Variants in ACADVL observed in about 807,000 individuals in gnomAD.
The protein encoded by ACADVL is very long-chain acyl-CoA dehydrogenase, mitochondrial.
In ACADVL, 73 loss-of-function variants were observed where a neutral mutation model predicts 80.4. The observed-to-expected ratio is 0.91, with a 90% CI of 0.75 to 1.10. The LOEUF (loss-of-function observed/expected upper bound fraction) is 1.10. ACADVL is among the 50% of genes least tolerant of loss of function. The pLI is 0.00. For missense variants in ACADVL, 878 were observed against 858.9 expected, an observed-to-expected ratio of 1.02 and a Z score of -0.28; for synonymous variants, 392 against 326.5, an observed-to-expected ratio of 1.20 and a Z score of -2.16.
chr17:7,218,224 C>G (rs759500299), upstream of ACADVL: 2 of 1,603,982 alleles, frequency 1.2e-6, no homozygotes, highest in East Asian at 2.2e-5. Flanking sequence ...GTTAGGCGCT[C>G]GCCCCCACCT....
At chr17:7,219,649 G>A (rs2071087909), upstream of ACADVL, 3 of 1,269,398 alleles carry the variant, frequency 2.4e-6, no homozygotes, top group African/African-American at 1.5e-5. Context: ...CCTCCCTTCA[G>A]TCCACCTCCA....
At position 7,221,665 on chromosome 17, in the gene ACADVL, T is replaced by C. The variant is rs398123090; in HGVS notation, c.605T>C (p.Leu202Pro). ...ACAAAGGCCCAGAAAGAAAAATACC[T>C]CCCCAAGCTGGCATCTGGTGAGGCA... ...FGTKAQKEKY[L>P]PKLASGETVA... Residue 202 changes from leucine (L) to proline (P), a missense_variant, in exon 7 of 20, where the codon CTC becomes CCC. Coordinates refer to ENST00000356839, the MANE Select transcript of ACADVL (RefSeq NM_000018.4). The C allele has an allele frequency of 1.9e-6, 3 of 1,613,646 alleles. No individual in the cohort carries two copies. The highest frequency in any genetic ancestry group is 1.7e-6 in the Non-Finnish European group (2 of 1,180,024).
chr17:7,218,565 T>C (rs565495109), upstream of ACADVL: 396 of 1,564,080 alleles, frequency 2.5e-4, no homozygotes, highest in South Asian at 4.1e-3. Context: ...AAGAGGTCGC[T>C]ATGCAGCACT....
chr17:7,218,926 T>A (rs1597512035), upstream of ACADVL: 4 of 1,542,276 alleles, frequency 2.6e-6, no homozygotes, highest in East Asian at 6.7e-5. Flanking sequence ...AAATTCCAGC[T>A]GTGAGTAAAG....
At chr17:7,221,384 CTTCTT>C in intron 6 of ACADVL, 149 bp from the exon 7 acceptor site, 2 of 1,366,048 alleles carry the variant, frequency 1.5e-6, no homozygotes, top group Non-Finnish European at 2.1e-6. Flanking sequence ...GCACACCCCA[CTTCTT>C]TTCTACACAC....
At chr17:7,217,274 G>A, upstream of ACADVL, 1 of 1,219,952 alleles carries the variant, frequency 8.2e-7, no homozygotes, top group Non-Finnish European at 1.0e-6. Context: ...CCAGGATGGG[G>A]GGAGGGGTGA....
At chr17:7,221,180 G>A in intron 6 of ACADVL, 122 bp downstream of exon 6, 1 of 1,507,082 alleles carries the variant, frequency 6.6e-7, no homozygotes, top group Non-Finnish European at 9.1e-7. Context: ...CTGGGTGCCT[G>A]TGGGATGGAT....
At position 7,220,492 on chromosome 17, in the gene ACADVL, C is replaced by T; in HGVS notation, c.167C>T (p.Pro56Leu). The change falls in exon 3 of 20, where the codon CCC (proline) becomes CTC (leucine). Residue 56 changes from proline to leucine, a missense_variant. Transcript: ENST00000356839. The part of the protein sequence containing the change: ...QLALDKSDSH[P>L]SDALTRKKPA... ...GCTCTGGACAAGTCAGATTCCCACCCCTCTGACGCTCTGACCAGGAAAAAA... is the reference window on the plus strand; with the variant it reads ...GCTCTGGACAAGTCAGATTCCCACCTCTCTGACGCTCTGACCAGGAAAAAA... The T allele has an allele frequency of 6.2e-7, 1 of 1,614,232 alleles. No individual in the cohort carries two copies. Among genetic ancestry groups the T allele is most frequent in the Non-Finnish European group, 8.5e-7 (1 of 1,180,048 alleles).
upstream of ACADVL, chr17:7,218,833 C>T (rs1198678168): frequency 6.2e-7 from 1 of 1,613,880 alleles, no homozygotes; most frequent in East Asian, 2.2e-5. Flanking sequence ...TTTTTCACCT[C>T]TTGGTCTCTG....
chr17:7,219,379 G>C (rs912470068), upstream of ACADVL: 1 of 1,012,300 alleles, frequency 9.9e-7, no homozygotes, highest in African/African-American at 1.7e-5. Flanking sequence ...CTAAGGGAGG[G>C]GCAGTGAATC....
At chr17:7,222,936 GAT>G in intron 10 of ACADVL, 71 bp downstream of exon 10, 2 of 1,576,250 alleles carry the variant, frequency 1.3e-6, no homozygotes. Context: ...ATGTGTCCCT[GAT>G]CACTTGCAGG....
chr17:7,217,626 G>A, upstream of ACADVL: 1 of 1,406,480 alleles, frequency 7.1e-7, no homozygotes, highest in South Asian at 1.3e-5. Context: ...GGAGAGAGGA[G>A]GAGAGAGGAA....
Position 7,222,774 on chromosome 17 carries a change from G to A in ACADVL, c.986G>A (p.Gly329Asp). Residue 329 changes from glycine to aspartate, a missense_variant, in exon 10 of 20, where the codon GGC (glycine) becomes GAC (aspartate). Coordinates refer to ENST00000356839, the MANE Select transcript of ACADVL (RefSeq NM_000018.4). The stretch of plus-strand genomic sequence containing the variant: ...AACGTGCTGGGTGAGGTTGGGAGTG[G>A]CTTCAAGGTTGCCATGCACATCCTC... ...SENVLGEVGS[G>D]FKVAMHILNN... 6.2e-7 allele frequency: 1 copy of A among 1,614,096 alleles called. No individual in the cohort carries two copies. The highest frequency in any genetic ancestry group is 1.1e-5 in the South Asian group (1 of 91,086).
rs748136425 is a variant in ACADVL, at chr17:7,224,076, C to T, written c.1434+7C>T. 5 of 1,613,918 alleles carry T rather than the reference C, an allele frequency of 3.1e-6. No homozygotes were observed. In the Admixed American group the frequency reaches 6.7e-5, roughly 22 times the overall value. ...GGCTCTGCAGGGCTGTATGGTAAGA[C>T]AGAGAATTGGGTGGGGGTAGAGGTG... is the stretch of plus-strand genomic sequence containing the variant. On this transcript the variant is annotated splice_region_variant and intron_variant, in intron 14 of 19. Transcript: ENST00000356839.
chr17:7,219,170 T>C (rs1445279349), upstream of ACADVL: 2 of 401,922 alleles, frequency 5.0e-6, no homozygotes, highest in African/African-American at 2.1e-5. Flanking sequence ...CCAATGAGAA[T>C]TGCAGAAAAA....
upstream of ACADVL, chr17:7,218,147 C>T (rs1232602449): frequency 4.2e-6 from 5 of 1,188,038 alleles, no homozygotes; most frequent in Non-Finnish European, 6.0e-6. Context: ...TCAGCAGGGC[C>T]CCCAAGATTC....
chr17:7,222,993 GCTAGCTTAGGTCTCCAT>G, intron 10 of ACADVL, 123 bp from the exon 11 acceptor site: 5 of 1,444,280 alleles, frequency 3.5e-6, no homozygotes, highest in Non-Finnish European at 3.9e-6. Flanking sequence ...AGCCCGACTT[GCTAGCTTAGGTCTCCAT>G]CCAGCGTAGA....
upstream of ACADVL, chr17:7,217,236 C>G (rs1461133219): frequency 1.6e-6 from 2 of 1,257,462 alleles, no homozygotes; most frequent in African/African-American, 3.1e-5. Context: ...ACCCCTCCCC[C>G]CTCCGCACCC....
chr17:7,218,975 A>G (rs1314024776), upstream of ACADVL: 2 of 997,706 alleles, frequency 2.0e-6, no homozygotes, highest in African/African-American at 1.6e-5. Context: ...CCATTCCCCC[A>G]GGTCCCAAGG....
Sources: allele counts gnomAD v4.1 joint callset, GRCh38; gene constraint gnomAD v4.1.1; transcripts MANE v1.5; gene names NCBI Gene and HGNC (gene_info 2026-07-23, HGNC 2026-07-21).